Variants in PPFIA2 observed in about 807,000 individuals in gnomAD.
The protein encoded by PPFIA2 is PPFI scaffold protein A2, also known as liprin-alpha-2.
In PPFIA2, 46 loss-of-function variants were observed where a neutral mutation model predicts 175.5. That is an observed-to-expected ratio of 0.26 (90% CI 0.21 to 0.34). The LOEUF (loss-of-function observed/expected upper bound fraction) is 0.34. Ranked by LOEUF, PPFIA2 falls within the 10% of genes least tolerant of loss-of-function variation. PPFIA2 has a pLI of 1.00. For missense variants in PPFIA2, 1,179 were observed against 1,506.1 expected (o/e 0.78, Z 3.60); for synonymous variants, 568 against 511.4 (o/e 1.11, Z -1.49).
Position 81,374,628 on chromosome 12 carries a change from C to T in PPFIA2, c.1266+6G>A. On this transcript the variant is annotated splice_donor_region_variant and intron_variant, in intron 11 of 32. Transcript: ENST00000549396. ...TCTAGGTTGACCAGTTGTTCTAGTG[C>T]AGTACCTTGGTTAGGGCTGCAATTC... 2 of 1,608,120 alleles carry T rather than the reference C, an allele frequency of 1.2e-6. No individual in the cohort carries two copies. Among genetic ancestry groups the T allele is most frequent in the Non-Finnish European group, 1.7e-6 (2 of 1,177,372 alleles).
intron 21 of PPFIA2, among the ~76,000 whole-genome samples, chr12:81,330,413 T>C (rs189744390): frequency 6.6e-6 from 1 of 152,322 alleles, no homozygotes; most frequent in Admixed American, 6.5e-5. Context: ...TTTGTCTTCC[T>C]TTCCTTCCCT....
intron 27 of PPFIA2, among the ~76,000 whole-genome samples, chr12:81,279,907 C>T (rs570204691): frequency 6.6e-6 from 1 of 152,156 alleles, no homozygotes; most frequent in African/African-American, 2.4e-5. Flanking sequence ...AGTCACTCAC[C>T]TAGGATCTAC....
intron 6 of PPFIA2, among the ~76,000 whole-genome samples, chr12:81,445,210 G>T (rs976736277): frequency 7.3e-6 from 1 of 136,288 alleles, no homozygotes; most frequent in Non-Finnish European, 1.6e-5. Context: ...CCAAGGTGGG[G>T]GGGGGGGAGG....
intron 4 of PPFIA2, among the ~76,000 whole-genome samples, chr12:81,661,954 G>C (rs558480899): frequency 6.6e-6 from 1 of 152,218 alleles, no homozygotes; most frequent in South Asian, 2.1e-4. Flanking sequence ...TGACTACTGG[G>C]TATATAACGA....
intron 3 of PPFIA2, among the ~76,000 whole-genome samples, chr12:81,734,170 G>T (rs1391981856): frequency 6.6e-6 from 1 of 151,740 alleles, no homozygotes; most frequent in East Asian, 1.9e-4. Context: ...AGGTGCTGTG[G>T]AGCTCACAGT....
At chr12:81,526,705 T>A (rs935757667) in intron 4 of PPFIA2, among the ~76,000 whole-genome samples, 1 of 152,228 alleles carries the variant, frequency 6.6e-6, no homozygotes, top group East Asian at 1.9e-4. Flanking sequence ...TATGACTTTT[T>A]AGATTAATGT....
chr12:81,410,377 T>C (rs2043715244), intron 7 of PPFIA2, among the ~76,000 whole-genome samples: 1 of 152,048 alleles, frequency 6.6e-6, no homozygotes, highest in Admixed American at 6.6e-5. Context: ...CGGGCTGGGA[T>C]AGGAAGCATA....
chr12:81,679,170 T>C (rs2073136019), intron 3 of PPFIA2, among the ~76,000 whole-genome samples: 1 of 151,896 alleles, frequency 6.6e-6, no homozygotes, highest in African/African-American at 2.4e-5. Flanking sequence ...ATATTAGATT[T>C]ACAGAAAATA....
intron 7 of PPFIA2, among the ~76,000 whole-genome samples, chr12:81,408,880 C>G (rs1025113184): frequency 2.0e-5 from 3 of 152,122 alleles, no homozygotes; most frequent in African/African-American, 7.2e-5. Context: ...AACAAATTAT[C>G]CTGGGTAGTT....
chr12:81,669,081 T>G (rs921927158), intron 4 of PPFIA2, among the ~76,000 whole-genome samples: 4 of 152,042 alleles, frequency 2.6e-5, no homozygotes, highest in African/African-American at 9.7e-5. Context: ...AACTAAGACA[T>G]ACGGCATTCT....
chr12:81,347,527 C>T lies in PPFIA2; in HGVS notation c.2232+6G>A. 1 of 1,587,990 alleles carries T rather than the reference C, an allele frequency of 6.3e-7. No individual in the cohort carries two copies. ...AGGCAAAGGTTCTCTGGACACATCA[C>T]CATACCAGTGTCATGACTCCCATCC... On this transcript the variant is annotated splice_donor_region_variant and intron_variant, in intron 18 of 32. Transcript: ENST00000549396.
At chr12:81,381,018 A>C (rs1331602678) in intron 9 of PPFIA2, among the ~76,000 whole-genome samples, 2 of 149,738 alleles carry the variant, frequency 1.3e-5, no homozygotes, top group African/African-American at 2.5e-5. Context: ...AAAAAAAAAA[A>C]AGTGATGCAT....
chr12:81,308,148 G>C (rs1400350486), intron 22 of PPFIA2, among the ~76,000 whole-genome samples: 1 of 152,072 alleles, frequency 6.6e-6, no homozygotes, highest in Non-Finnish European at 1.5e-5. Flanking sequence ...CTATAATTGA[G>C]ATACATCTAA....
chr12:81,331,704 C>A (rs1051305465), intron 21 of PPFIA2, among the ~76,000 whole-genome samples: 1 of 152,114 alleles, frequency 6.6e-6, no homozygotes, highest in African/African-American at 2.4e-5. Context: ...ATTGGGAATT[C>A]TGCTTATTCA....
intron 4 of PPFIA2, among the ~76,000 whole-genome samples, chr12:81,611,636 G>A (rs1342573854): frequency 4.6e-5 from 7 of 152,072 alleles, no homozygotes; most frequent in Non-Finnish European, 1.0e-4. Flanking sequence ...CAGAACAGAT[G>A]TGCCCCGGTC....
At chr12:81,637,296 G>T (rs1214128100) in intron 4 of PPFIA2, among the ~76,000 whole-genome samples, 3 of 108,934 alleles carry the variant, frequency 2.8e-5, no homozygotes, top group Admixed American at 1.1e-4. Context: ...TAGAGATGGG[G>T]TTTCTCTATG....
chr12:81,417,347 T>C (rs2143392417), intron 7 of PPFIA2: 1 of 150,256 alleles, frequency 6.7e-6, no homozygotes, highest in East Asian at 2.0e-4. Context: ...ACTGTAAGTA[T>C]ACATGTGTTT....
intron 29 of PPFIA2, 171 bp from the exon 30 acceptor site, chr12:81,267,191 A>AC: frequency 1.6e-6 from 1 of 612,228 alleles, no homozygotes; most frequent in Non-Finnish European, 2.9e-6. Context: ...CTACAAAAAA[A>AC]ACAGGGCTTT....
intron 26 of PPFIA2, among the ~76,000 whole-genome samples, chr12:81,281,867 T>C (rs1218515875): frequency 3.9e-5 from 6 of 152,072 alleles, no homozygotes; most frequent in African/African-American, 1.4e-4. Flanking sequence ...TATATTGTAA[T>C]GGCAAATGTT....
Sources: allele counts gnomAD v4.1 joint callset (sites outside exome capture counted in the v4.1 genomes callset), GRCh38; gene constraint gnomAD v4.1.1; transcripts MANE v1.5; gene names NCBI Gene and HGNC (gene_info 2026-07-23, HGNC 2026-07-21).